RARRES1: variants seen among roughly 807,000 people sequenced by gnomAD.
RARRES1 encodes retinoic acid receptor responder 1, also known as retinoic acid receptor responder protein 1.
A neutral mutation model predicts 30.6 loss-of-function variants in RARRES1; 34 were observed. The ratio of observed to expected loss-of-function variants is 1.11; its 90% confidence interval spans 0.84 to 1.48. The LOEUF is 1.48. Ranked by LOEUF, RARRES1 falls within the 40% of genes most tolerant of loss-of-function variation. The pLI is 0.00. For synonymous variants in RARRES1, 153 were observed against 155.5 expected, an observed-to-expected ratio of 0.98 and a Z score of 0.12; for missense variants, 373 against 386.5, an observed-to-expected ratio of 0.97 and a Z score of 0.29.
intron 1 of RARRES1, among the ~76,000 whole-genome samples, chr3:158,731,639 G>C (rs554655700): frequency 6.6e-6 from 1 of 152,212 alleles, no homozygotes; most frequent in African/African-American, 2.4e-5. Flanking sequence ...CCCTAGCGTG[G>C]TGGACTGCAA....
rs1277218735 is a variant in RARRES1 at position 158,723,720 on chromosome 3, C to T, written c.276+8420G>A. ...GTGGAAGTGGCCAGAGGCAGCTGCC[C>T]CCTCCAGGTCCCCTCTGGCCTCAGG... On this transcript the variant is annotated intron_variant, in intron 1 of 5. Transcript: ENST00000237696. The surrounding 1 kb of genome is among the most constrained non-coding windows in gnomAD (Gnocchi z 4.4). Among the ~76,000 whole-genome samples the T allele has an allele frequency of 6.6e-6, 1 of 152,134 alleles. No homozygotes were observed. Among genetic ancestry groups the T allele is most frequent in the Non-Finnish European group, 1.5e-5 (1 of 68,034 alleles).
chr3:158,725,099 C>A (rs141687597), intron 1 of RARRES1, among the ~76,000 whole-genome samples: 1 of 152,160 alleles, frequency 6.6e-6, no homozygotes, highest in Admixed American at 6.5e-5. Context: ...GCTGGGATTA[C>A]AGGTGTGAGC....
intron 3 of RARRES1, among the ~76,000 whole-genome samples, chr3:158,709,473 T>C (rs1727039698): frequency 6.6e-6 from 1 of 152,234 alleles, no homozygotes; most frequent in African/African-American, 2.4e-5. Context: ...TTGCTCCCCT[T>C]GATTGCTTGG....
intron 3 of RARRES1, among the ~76,000 whole-genome samples, chr3:158,708,231 T>C (rs976300996): frequency 2.6e-5 from 4 of 152,258 alleles, no homozygotes; most frequent in African/African-American, 4.8e-5. Context: ...CCTGTCTTCA[T>C]TGACTGAAAA....
intron 4 of RARRES1, among the ~76,000 whole-genome samples, chr3:158,704,256 G>T (rs1726836997): frequency 8.5e-6 from 1 of 117,270 alleles, no homozygotes; most frequent in Non-Finnish European, 1.7e-5. Context: ...AGACAGAGAT[G>T]GCATCTCACT....
chr3:158,705,463 C>T (rs1443973270), intron 3 of RARRES1, among the ~76,000 whole-genome samples: 1 of 151,142 alleles, frequency 6.6e-6, no homozygotes, highest in East Asian at 1.9e-4. Context: ...TTTTAAGAGA[C>T]AGGGTCTTGC....
At chr3:158,724,478 C>G (rs1164370933) in intron 1 of RARRES1, among the ~76,000 whole-genome samples, 1 of 152,134 alleles carries the variant, frequency 6.6e-6, no homozygotes, top group African/African-American at 2.4e-5. Context: ...AGATGCTATG[C>G]TGTTTGCTTT....
chr3:158,725,175 C>T (rs1261403793), intron 1 of RARRES1, among the ~76,000 whole-genome samples: 1 of 152,152 alleles, frequency 6.6e-6, no homozygotes, highest in Non-Finnish European at 1.5e-5. Flanking sequence ...CCTGAACAAC[C>T]ATAGCAAGTC....
chr3:158,713,819 C>A lies in RARRES1; in HGVS notation c.317G>T (p.Ser106Ile). The A allele has an allele frequency of 6.2e-7, 1 of 1,614,112 alleles. No homozygotes were observed. Among genetic ancestry groups the A allele is most frequent in the Non-Finnish European group, 8.5e-7 (1 of 1,179,952 alleles). Residue 106 changes from serine to isoleucine, a missense_variant, in exon 2 of 6, where the codon AGC becomes ATC. Coordinates refer to ENST00000237696, the MANE Select transcript of RARRES1 (RefSeq NM_206963.2). ...TACCTCTGGGTTGTAGCGCTCTGTG[C>A]TGAAGACCACGTGAACTTTACATCC... ...KEGCKVHVVF[S>I]TERYNPESLL...
intron 1 of RARRES1, among the ~76,000 whole-genome samples, chr3:158,730,763 T>C (rs112260536): frequency 0.018 from 2,683 of 151,514 alleles, 24 homozygotes; most frequent in Middle Eastern, 0.039. Flanking sequence ...GGTTGCCTTT[T>C]TCTTTATTAT....
chr3:158,709,224 C>G (rs1727032468), intron 3 of RARRES1, among the ~76,000 whole-genome samples: 2 of 152,178 alleles, frequency 1.3e-5, no homozygotes, highest in South Asian at 4.1e-4. Flanking sequence ...ACTAAACATA[C>G]AGTTAGCCTG....
rs537061597 is a variant in RARRES1 at position 158,696,989 on chromosome 3, C to T, written c.*689G>A. ...TTGCAGACAGCTTTATCTGGTGAGA[C>T]AGACGTTCTATTATTTGTAAAATTT... On this transcript the variant is annotated 3_prime_UTR_variant, in exon 6 of 6. Coordinates refer to ENST00000237696, the MANE Select transcript of RARRES1 (RefSeq NM_206963.2). The T allele has an allele frequency of 6.6e-6, 1 of 152,216 alleles. No individual in the cohort carries two copies. The highest frequency in any genetic ancestry group is 2.4e-5 in the African/African-American group (1 of 41,460). 9.4% of individuals were successfully genotyped at this position (152,216 alleles called of 1,614,324 possible).
intron 4 of RARRES1, among the ~76,000 whole-genome samples, chr3:158,699,167 A>T (rs901931573): frequency 6.6e-6 from 1 of 152,098 alleles, no homozygotes; most frequent in Non-Finnish European, 1.5e-5. Context: ...AGTCACATAG[A>T]CCGTGCACCT....
intron 3 of RARRES1, among the ~76,000 whole-genome samples, chr3:158,708,164 A>G (rs562101359): frequency 6.6e-6 from 1 of 152,340 alleles, no homozygotes; most frequent in South Asian, 2.1e-4. Context: ...CTCTGAATTC[A>G]ATATCTTGGA....
intron 1 of RARRES1, among the ~76,000 whole-genome samples, chr3:158,721,471 ACT>A (rs1727508019): frequency 6.6e-6 from 1 of 152,240 alleles, no homozygotes; most frequent in African/African-American, 2.4e-5. Flanking sequence ...CACTTGGAGA[ACT>A]CTCTAGCTAC....
intron 2 of RARRES1, among the ~76,000 whole-genome samples, chr3:158,711,956 G>A (rs1004547684): frequency 2.0e-5 from 3 of 152,132 alleles, no homozygotes; most frequent in South Asian, 2.1e-4. Context: ...TTATAATCCA[G>A]AAACATCTGG....
rs551995811 is a variant in RARRES1 at position 158,708,308 on chromosome 3, G to A, written c.535+2430C>T. 4.6e-5 allele frequency among the ~76,000 whole-genome samples: 7 copies of A among 152,242 alleles called. No homozygotes were observed. In the South Asian group the frequency reaches 1.5e-3, roughly 32 times the overall value. ...TGCTGCTGTGAGTTCAGATTTGTGA[G>A]ATCAAAACCCATCACCCTAGAAGAT... On this transcript the variant is annotated intron_variant, in intron 3 of 5. Coordinates refer to ENST00000237696, the MANE Select transcript of RARRES1 (RefSeq NM_206963.2).
intron 3 of RARRES1, 106 bp downstream of exon 3, chr3:158,710,632 G>T: frequency 1.9e-6 from 2 of 1,070,926 alleles, no homozygotes; most frequent in South Asian, 1.6e-5. Context: ...ATATTTAGTT[G>T]AATGAAAGTG....
At chr3:158,713,493 GGA>G (rs1486348903) in intron 2 of RARRES1, among the ~76,000 whole-genome samples, 1 of 152,134 alleles carries the variant, frequency 6.6e-6, no homozygotes, top group Non-Finnish European at 1.5e-5. Context: ...AGGACTCTGA[GGA>G]GCTAGGAGGG....
Sources: allele counts gnomAD v4.1 joint callset (sites outside exome capture counted in the v4.1 genomes callset), GRCh38; gene constraint gnomAD v4.1.1; non-coding constraint Gnocchi (gnomAD v3.1); transcripts MANE v1.5; gene names NCBI Gene and HGNC (gene_info 2026-07-23, HGNC 2026-07-21).